Variants in KALRN observed in about 807,000 individuals in gnomAD.
KALRN encodes the protein kalirin RhoGEF kinase.
Under a neutral mutation model 353.7 loss-of-function variants are expected in KALRN, and 70 were observed. The observed-to-expected ratio is 0.20, with a 90% confidence interval of 0.16 to 0.24. The LOEUF (loss-of-function observed/expected upper bound fraction) is 0.24. Ranked by LOEUF, KALRN falls within the 10% of genes least tolerant of loss-of-function variation. KALRN has a pLI of 1.00. For synonymous variants in KALRN, 1,391 were observed against 1,434.8 expected, an observed-to-expected ratio of 0.97 and a Z score of 0.69; for missense variants, 2,791 against 3,756.7, an observed-to-expected ratio of 0.74 and a Z score of 6.72.
chr3:124,503,659 C>T lies in KALRN; in HGVS notation c.4935+7246C>T, dbSNP rs541651266. Among the ~76,000 whole-genome samples the T allele has an allele frequency of 3.3e-5, 5 of 152,202 alleles. No homozygotes were observed. The East Asian group carries it at 9.7e-4, about 29-fold the overall frequency. On this transcript the variant is annotated intron_variant, in intron 33 of 59. Coordinates refer to ENST00000682506, the MANE Select transcript of KALRN (RefSeq NM_001388419.1). ...CCACCTCTGGCTGCCCTCTCACCTC[C>T]CAGAAGCACAACTCCATCCTCTCCT...
At chr3:124,711,139 C>T (rs1241361941) in intron 57 of KALRN, among the ~76,000 whole-genome samples, 3 of 152,174 alleles carry the variant, frequency 2.0e-5, no homozygotes, top group Non-Finnish European at 4.4e-5. Flanking sequence ...AATATATATT[C>T]AATAAATACT....
intron 1 of KALRN, among the ~76,000 whole-genome samples, chr3:124,056,309 G>A (rs2041532994): frequency 6.6e-6 from 1 of 152,140 alleles, no homozygotes; most frequent in African/African-American, 2.4e-5. Flanking sequence ...TCTGTCCTTT[G>A]GATGTCAGTG....
intron 25 of KALRN, among the ~76,000 whole-genome samples, chr3:124,469,453 C>A (rs929644620): frequency 2.0e-5 from 3 of 152,196 alleles, no homozygotes; most frequent in African/African-American, 7.2e-5. Context: ...TAGTTTAATA[C>A]CTGCTCCAGT....
At chr3:124,663,573 AT>A (rs1195034649) in intron 45 of KALRN, among the ~76,000 whole-genome samples, 3 of 152,320 alleles carry the variant, frequency 2.0e-5, no homozygotes, top group Admixed American at 6.5e-5. Flanking sequence ...ATATGATAAA[AT>A]TGGAACTGAC....
chr3:124,479,831 C>T (rs1470594087), intron 27 of KALRN, among the ~76,000 whole-genome samples: 1 of 150,298 alleles, frequency 6.7e-6, no homozygotes, highest in African/African-American at 2.4e-5. Flanking sequence ...TCACGCCATT[C>T]TCCCTCCTCA....
At chr3:124,495,751 A>AAG (rs1491059487) in intron 32 of KALRN, among the ~76,000 whole-genome samples, 8 of 137,560 alleles carry the variant, frequency 5.8e-5, no homozygotes, top group Non-Finnish European at 9.5e-5. Context: ...AAAAAAAAAA[A>AAG]GAAGAAGAAA....
chr3:124,153,337 A>G (rs879369622), intron 1 of KALRN, among the ~76,000 whole-genome samples: 6 of 142,286 alleles, frequency 4.2e-5, no homozygotes, highest in Non-Finnish European at 9.0e-5. Context: ...CTCATTGTTC[A>G]ATTCCCATCT....
chr3:124,715,859 C>T (rs1366564510), intron 58 of KALRN, among the ~76,000 whole-genome samples: 2 of 152,160 alleles, frequency 1.3e-5, no homozygotes, highest in Non-Finnish European at 2.9e-5. Flanking sequence ...GAATAGTTAC[C>T]ATTTATTTAG....
intron 10 of KALRN, 165 bp from the exon 11 acceptor site, chr3:124,384,680 T>G (rs1179340473): frequency 6.9e-6 from 4 of 576,628 alleles, no homozygotes; most frequent in Non-Finnish European, 1.2e-5. Flanking sequence ...GCTGCTCGCT[T>G]GCTGAGAGGC....
intron 1 of KALRN, among the ~76,000 whole-genome samples, chr3:124,112,401 T>C (rs1396890493): frequency 6.6e-6 from 1 of 151,906 alleles, no homozygotes; most frequent in African/African-American, 2.4e-5. Context: ...TATACCTGCC[T>C]TTGTTACCTG....
In KALRN at chr3:124,456,726, A is replaced by G. The variant is rs1453526444; in HGVS notation, c.3852A>G (p.Lys1284=). Residue 1284 remains lysine (K), a splice_region_variant and synonymous_variant, in exon 23 of 60, where the codon AAA becomes AAG. Transcript: ENST00000682506. ...AGAAGCGGAAGTCAGCCCGGAAGAA[A>G]GAGTACGTGTTGGCTTCCGCCCAGC... The part of the protein sequence containing the change: ...NEEKRKSARK[K]EFIMAELLQT... 2 of 1,610,430 alleles carry G rather than the reference A, an allele frequency of 1.2e-6. No individual in the cohort carries two copies. The highest frequency in any genetic ancestry group is 2.7e-5 in the African/African-American group (2 of 74,940).
chr3:124,682,657 C>T (rs561255560), intron 51 of KALRN, among the ~76,000 whole-genome samples: 2 of 152,304 alleles, frequency 1.3e-5, no homozygotes, highest in East Asian at 3.9e-4. Flanking sequence ...TACACACTGG[C>T]TGCTTGCTAC....
chr3:124,612,206 T>A (rs1220486105), intron 34 of KALRN, among the ~76,000 whole-genome samples: 2 of 151,900 alleles, frequency 1.3e-5, no homozygotes, highest in Non-Finnish European at 2.9e-5. Context: ...TTAATTTTTT[T>A]AATTTTTATT....
At chr3:124,432,962 G>C (rs1259001694) in intron 16 of KALRN, among the ~76,000 whole-genome samples, 1 of 152,220 alleles carries the variant, frequency 6.6e-6, no homozygotes, top group Non-Finnish European at 1.5e-5. Flanking sequence ...AACAATGAAG[G>C]GAACGGAACC....
intron 1 of KALRN, among the ~76,000 whole-genome samples, chr3:124,039,836 T>C (rs1200107404): frequency 6.6e-6 from 1 of 152,196 alleles, no homozygotes; most frequent in East Asian, 1.9e-4. Flanking sequence ...CTTAATTTAA[T>C]GCTTGTTGTC....
At chr3:124,692,195 C>T (rs1388644329) in intron 51 of KALRN, among the ~76,000 whole-genome samples, 1 of 152,208 alleles carries the variant, frequency 6.6e-6, no homozygotes, top group African/African-American at 2.4e-5. Flanking sequence ...CCAGGTCAGG[C>T]GTTGAGAACC....
chr3:124,702,818 T>G (rs1043756539), intron 57 of KALRN, among the ~76,000 whole-genome samples: 3 of 152,186 alleles, frequency 2.0e-5, no homozygotes, highest in Non-Finnish European at 4.4e-5. Context: ...TCTTTCTCAC[T>G]TGCAGTATTT....
At chr3:124,419,472 C>T (rs193233532) in intron 14 of KALRN, among the ~76,000 whole-genome samples, 40 of 152,022 alleles carry the variant, frequency 2.6e-4, no homozygotes, top group African/African-American at 8.9e-4. Flanking sequence ...ACAGAGCAAA[C>T]CTAAGCCTGT....
intron 6 of KALRN, among the ~76,000 whole-genome samples, chr3:124,312,530 G>A (rs532834428): frequency 1.8e-4 from 27 of 152,334 alleles, no homozygotes; most frequent in Admixed American, 3.3e-4. Context: ...CAACTGAAGA[G>A]TGAGTATTTT....
Sources: gnomAD v4.1 joint callset for allele counts (sites outside exome capture counted in the v4.1 genomes callset) on GRCh38, gnomAD v4.1.1 for gene constraint, MANE v1.5 for transcripts, NCBI Gene and HGNC (gene_info 2026-07-23, HGNC 2026-07-21) for gene names.